Variants in YTHDF2 observed in about 807,000 individuals in gnomAD.
YTHDF2 encodes the protein YTH domain-containing family protein 2.
YTHDF2 carries 2 observed loss-of-function variants against 50.4 expected under a neutral mutation model. The ratio of observed to expected loss-of-function variants is 0.04; its 90% confidence interval spans 0.02 to 0.12. The LOEUF (loss-of-function observed/expected upper bound fraction) is 0.12, where lower values mean the gene tolerates loss of function less well. YTHDF2 is among the 10% of genes least tolerant of loss of function. YTHDF2 has a pLI of 1.00. For missense variants in YTHDF2, 483 were observed against 722.6 expected (o/e 0.67, Z 3.80); for synonymous variants, 217 against 255.6 (o/e 0.85, Z 1.44).
chr1:28,739,165 C>T (rs1211645438), intron 3 of YTHDF2: 1 of 152,184 alleles, frequency 6.6e-6, no homozygotes, highest in African/African-American at 2.4e-5. Flanking sequence ...TGTGAAAAGC[C>T]ACTGCGCTCC....
intron 4 of YTHDF2, among the ~76,000 whole-genome samples, chr1:28,749,984 T>TTG (rs1317497575): frequency 3.0e-5 from 2 of 65,924 alleles, no homozygotes; most frequent in Non-Finnish European, 6.3e-5. Flanking sequence ...AAAAAAAAGG[T>TTG]TGTTTTTTTT....
chr1:28,766,005 A>G (rs1188156764), intron 4 of YTHDF2, among the ~76,000 whole-genome samples: 1 of 152,190 alleles, frequency 6.6e-6, no homozygotes, highest in Non-Finnish European at 1.5e-5. Flanking sequence ...TTCAGACTTT[A>G]TCAGTTGTCT....
chr1:28,737,880 A>G (rs2087719971), intron 2 of YTHDF2, 198 bp downstream of exon 2: 1 of 586,910 alleles, frequency 1.7e-6, no homozygotes, highest in African/African-American at 1.9e-5. Flanking sequence ...GGAGTAATTC[A>G]TTAAGGGTGG....
At chr1:28,764,566 C>T (rs1276423768) in intron 4 of YTHDF2, among the ~76,000 whole-genome samples, 2 of 152,044 alleles carry the variant, frequency 1.3e-5, no homozygotes, top group Non-Finnish European at 2.9e-5. Context: ...AGCCATCGTG[C>T]CCGGCCCCAA....
rs56916547 is a variant in YTHDF2 at position 28,751,090 on chromosome 1, C to CAAAAAAAAAAAAAAAAAA, written c.1716+7107_1716+7124dup. Reference sequence around the variant, plus strand: ...CCTTTGTGACAGAGCGAGACTGTCTCAAAAAAAAAAAAAAAAAAAAGGCTG... The same window carrying CAAAAAAAAAAAAAAAAAA: ...CCTTTGTGACAGAGCGAGACTGTCTCAAAAAAAAAAAAAAAAAAAAAAAAAAAAAAAAAAAAAAGGCTG... On this transcript the variant is annotated intron_variant, in intron 4 of 4. Transcript: ENST00000373812. 2.7e-4 allele frequency among the ~76,000 whole-genome samples: 9 copies of CAAAAAAAAAAAAAAAAAA among 33,766 alleles called. 2 individuals are homozygous for CAAAAAAAAAAAAAAAAAA. The highest frequency in any genetic ancestry group is 4.6e-4 in the Non-Finnish European group (9 of 19,764). 22.2% of individuals were successfully genotyped at this position (33,766 alleles called of 152,430 possible).
chr1:28,744,103 C>A, intron 4 of YTHDF2, 117 bp downstream of exon 4: 1 of 1,077,402 alleles, frequency 9.3e-7, no homozygotes, highest in Non-Finnish European at 1.3e-6. Context: ...TATCACCTAA[C>A]AGTTCAAGGC....
At chr1:28,759,561 C>A (rs1447147486) in intron 4 of YTHDF2, among the ~76,000 whole-genome samples, 1 of 152,160 alleles carries the variant, frequency 6.6e-6, no homozygotes, top group Non-Finnish European at 1.5e-5. Context: ...AGGATACCAA[C>A]CTGTACAGCA....
chr1:28,763,127 G>A (rs929760386), intron 4 of YTHDF2, among the ~76,000 whole-genome samples: 4 of 151,950 alleles, frequency 2.6e-5, no homozygotes, highest in Admixed American at 6.6e-5. Context: ...GCACCCAGCC[G>A]AGTTTTCTAT....
chr1:28,761,106 A>T (rs1282383410), intron 4 of YTHDF2, among the ~76,000 whole-genome samples: 2 of 121,748 alleles, frequency 1.6e-5, no homozygotes, highest in Non-Finnish European at 3.2e-5. Flanking sequence ...ATCGTGCATG[A>T]GTGTGTGTGT....
intron 3 of YTHDF2, chr1:28,739,008 C>T (rs2087737690): frequency 6.6e-6 from 1 of 152,190 alleles, no homozygotes; most frequent in Non-Finnish European, 1.5e-5. Context: ...TTTAGGGATT[C>T]TTACAGTGTT....
At position 28,765,612 on chromosome 1, in the gene YTHDF2, T is replaced by TTTG. The variant is rs749321426; in HGVS notation, c.1717-3297_1717-3295dup. ...CACCACCACACCCAGCTAAGTTAAATTTGTTGTTGTTGTTGTTGTTGTAGA... is the reference window on the plus strand; with the variant it reads ...CACCACCACACCCAGCTAAGTTAAATTTGTTGTTGTTGTTGTTGTTGTTGTAGA... On this transcript the variant is annotated intron_variant, in intron 4 of 4. Transcript: ENST00000373812. Among the ~76,000 whole-genome samples, 350 of 151,474 alleles carry TTTG rather than the reference T, an allele frequency of 2.3e-3. 2 individuals are homozygous for TTTG. Among genetic ancestry groups the TTTG allele is most frequent in the Admixed American group, 5.3e-3 (80 of 15,192 alleles).
rs1353772089 is a variant in YTHDF2, at chr1:28,738,244, T to C, written c.53-15T>C. 1.3e-6 allele frequency: 2 copies of C among 1,595,024 alleles called. No individual in the cohort carries two copies. Among genetic ancestry groups the C allele is most frequent in the Non-Finnish European group, 1.7e-6 (2 of 1,164,008 alleles). On this transcript the variant is annotated splice_polypyrimidine_tract_variant and intron_variant, in intron 2 of 4. Transcript: ENST00000373812. ...TAGGATTGGGACACTCCTAATTGAA[T>C]TTTTTTTTCTTTAGTACAAAATGGA...
intron 4 of YTHDF2, among the ~76,000 whole-genome samples, chr1:28,746,220 C>T (rs2087858246): frequency 6.6e-6 from 1 of 152,060 alleles, no homozygotes; most frequent in African/African-American, 2.4e-5. Flanking sequence ...TGAGGGGCAT[C>T]TAGGTGCTTG....
In YTHDF2 at chr1:28,764,622, T is replaced by C. The variant is rs562279070; in HGVS notation, c.1717-4307T>C. Among the ~76,000 whole-genome samples the C allele has an allele frequency of 3.2e-3, 487 of 152,024 alleles. 3 individuals carry two copies. The highest frequency in any genetic ancestry group is 0.011 in the African/African-American group (467 of 41,478). On this transcript the variant is annotated intron_variant, in intron 4 of 4. Coordinates refer to ENST00000373812, the MANE Select transcript of YTHDF2 (RefSeq NM_016258.3). ...TGGGGTTTTGCCATGTTGGCCATGC[T>C]GGTCTTGAACTCCTGACCTCGTGAT...
intron 1 of YTHDF2, 172 bp from the exon 2 acceptor site, chr1:28,737,486 C>T (rs1177139328): frequency 3.3e-6 from 3 of 901,212 alleles, no homozygotes; most frequent in Non-Finnish European, 4.9e-6. Context: ...GCCCCACGGG[C>T]CTGGCGCTTT....
chr1:28,766,797 T>C (rs2088225431), intron 4 of YTHDF2, among the ~76,000 whole-genome samples: 1 of 151,890 alleles, frequency 6.6e-6, no homozygotes, highest in South Asian at 2.1e-4. Context: ...ACTGATGCCC[T>C]GGCTTCCCAC....
chr1:28,736,806 G>T (rs1332583991), upstream of YTHDF2: 2 of 357,112 alleles, frequency 5.6e-6, no homozygotes, highest in Non-Finnish European at 1.0e-5. Flanking sequence ...CCCCTTCCGC[G>T]TGGGTGAGTG....
intron 4 of YTHDF2, among the ~76,000 whole-genome samples, chr1:28,768,447 T>C (rs1216904854): frequency 1.3e-5 from 2 of 152,068 alleles, no homozygotes; most frequent in Admixed American, 6.5e-5. Flanking sequence ...AGCTTATTAA[T>C]TCTCCATAAC....
intron 4 of YTHDF2, among the ~76,000 whole-genome samples, chr1:28,768,212 A>T (rs544259801): frequency 2.6e-3 from 400 of 152,080 alleles, no homozygotes; most frequent in African/African-American, 8.7e-3. Context: ...AGAAAAAAAA[A>T]TTTTTTTTAA....
Sources: allele counts gnomAD v4.1 joint callset (sites outside exome capture counted in the v4.1 genomes callset), GRCh38; gene constraint gnomAD v4.1.1; transcripts MANE v1.5; gene names NCBI Gene and HGNC (gene_info 2026-07-23, HGNC 2026-07-21).